Variants in SSBP3 observed in about 807,000 individuals in gnomAD.
SSBP3 encodes single stranded DNA binding protein 3.
SSBP3 carries 5 observed loss-of-function variants against 69.6 expected under a neutral mutation model. The observed-to-expected ratio is 0.07, with a 90% CI of 0.04 to 0.15. The LOEUF (loss-of-function observed/expected upper bound fraction) is 0.15. Ranked by LOEUF, SSBP3 falls within the 10% of genes least tolerant of loss-of-function variation. SSBP3 has a pLI of 1.00. For synonymous variants in SSBP3, 196 were observed against 193.4 expected (o/e 1.01, Z -0.11); for missense variants, 312 against 534.0 (o/e 0.58, Z 4.10).
chr1:54,262,347 T>C (rs1645030562), intron 5 of SSBP3, among the ~76,000 whole-genome samples: 4 of 152,094 alleles, frequency 2.6e-5, no homozygotes, highest in East Asian at 1.9e-4. Context: ...TTCTAGAGTC[T>C]AACAGGGTCC....
At chr1:54,248,916 T>C (rs946614151) in intron 9 of SSBP3, among the ~76,000 whole-genome samples, 40 of 152,200 alleles carry the variant, frequency 2.6e-4, no homozygotes, top group African/African-American at 9.4e-4. Context: ...GTTCCTGAGG[T>C]TGGCAAGGGT....
chr1:54,329,366 T>C (rs973086394), intron 4 of SSBP3, among the ~76,000 whole-genome samples: 5 of 152,378 alleles, frequency 3.3e-5, no homozygotes, highest in South Asian at 2.1e-4. Context: ...TTTAAAGGCA[T>C]GTTAGATCAG....
chr1:54,288,791 G>T (rs1325309109), intron 4 of SSBP3, among the ~76,000 whole-genome samples: 1 of 151,940 alleles, frequency 6.6e-6, no homozygotes, highest in Non-Finnish European at 1.5e-5. Flanking sequence ...GGCCAAGGTG[G>T]GCGGATCACA....
chr1:54,411,891 CAAA>C (rs71066917), intron 1 of SSBP3, among the ~76,000 whole-genome samples: 38 of 88,006 alleles, frequency 4.3e-4, no homozygotes, highest in East Asian at 3.2e-3. Flanking sequence ...GACTCCGTCT[CAAA>C]AAAAAAAAAA....
intron 13 of SSBP3, among the ~76,000 whole-genome samples, chr1:54,240,113 C>CGTGT (rs1234655823): frequency 2.7e-4 from 1 of 3,726 alleles, no homozygotes; most frequent in Non-Finnish European, 5.5e-4. Flanking sequence ...TGCGTGCGCG[C>CGTGT]GCGCGCGCAA....
rs557422843 is a variant in SSBP3, at chr1:54,319,067, G to A, written c.277-37540C>T. Among the ~76,000 whole-genome samples the A allele has an allele frequency of 9.2e-5, 14 of 152,222 alleles. No individual in the cohort carries two copies. In the South Asian group the frequency reaches 1.2e-3, roughly 14 times the overall value. Reference sequence around the variant, plus strand: ...CACCACACCAGCTGCAGCAGACCACGCTCAATGGAGTAGAAGGGCAAAGAA... The same window carrying A: ...CACCACACCAGCTGCAGCAGACCACACTCAATGGAGTAGAAGGGCAAAGAA... On this transcript the variant is annotated intron_variant, in intron 4 of 17. Transcript: ENST00000610401.
intron 4 of SSBP3, among the ~76,000 whole-genome samples, chr1:54,374,279 G>C (rs1442598874): frequency 6.6e-6 from 1 of 152,228 alleles, no homozygotes; most frequent in Non-Finnish European, 1.5e-5. Flanking sequence ...GTAGCCAGGA[G>C]GCCTGCAGCC....
chr1:54,294,169 A>T (rs1645661877), intron 4 of SSBP3, among the ~76,000 whole-genome samples: 1 of 76,394 alleles, frequency 1.3e-5, no homozygotes, highest in Non-Finnish European at 2.6e-5. Flanking sequence ...AAAAGAAAGA[A>T]AGAAAGAAAG....
At chr1:54,381,959 C>T (rs111678082) in intron 4 of SSBP3, among the ~76,000 whole-genome samples, 16,520 of 152,176 alleles carry the variant, frequency 0.11, 1,049 homozygotes, top group East Asian at 0.28. Context: ...TTTGGGAGGC[C>T]GAGGTGGGTG....
exon 1 of SSBP3, chr1:54,405,989 C>G (rs1173763044): frequency 6.7e-7 from 1 of 1,485,990 alleles, no homozygotes; most frequent in Non-Finnish European, 9.0e-7. Flanking sequence ...CACCGCCGAG[C>G]CTTTGCCTTT....
chr1:54,279,741 G>C (rs1557489773), intron 5 of SSBP3, among the ~76,000 whole-genome samples: 2 of 152,258 alleles, frequency 1.3e-5, no homozygotes. Context: ...ATCTGCAGCA[G>C]CCAGGAAGAT....
intron 4 of SSBP3, among the ~76,000 whole-genome samples, chr1:54,313,243 G>C (rs916834342): frequency 3.9e-5 from 6 of 151,980 alleles, no homozygotes; most frequent in African/African-American, 1.5e-4. Flanking sequence ...TGATATGTTT[G>C]TTCTCCAAAG....
Position 54,275,174 on chromosome 1 carries a change from G to A in SSBP3, c.366+6264C>T, listed in dbSNP as rs146859827. On this transcript the variant is annotated intron_variant, in intron 5 of 17. Transcript: ENST00000610401. ...ACAGGTCCCTGCCCTTACACACCAC[G>A]TCTGACCGAGGGGCTAAGGGACGAC... Among the ~76,000 whole-genome samples the A allele has an allele frequency of 3.2e-4, 49 of 152,272 alleles. 1 individual carries two copies. In the South Asian group the frequency reaches 4.1e-3, roughly 13 times the overall value.
At chr1:54,231,695 AT>A (rs761297242) in intron 14 of SSBP3, among the ~76,000 whole-genome samples, 7 of 152,022 alleles carry the variant, frequency 4.6e-5, no homozygotes, top group Non-Finnish European at 8.8e-5. Context: ...ATTTTTTATT[AT>A]TTTTTAATTT....
intron 4 of SSBP3, among the ~76,000 whole-genome samples, chr1:54,381,239 C>T (rs1225403349): frequency 1.3e-5 from 2 of 151,850 alleles, no homozygotes; most frequent in Non-Finnish European, 2.9e-5. Flanking sequence ...AAAAATTAGC[C>T]GGGCGTGGTG....
chr1:54,243,489 C>A (rs1644678533), intron 9 of SSBP3, among the ~76,000 whole-genome samples, 190 bp from the exon 10 acceptor site: 2 of 152,166 alleles, frequency 1.3e-5, no homozygotes, highest in Admixed American at 6.5e-5. Context: ...AATGACAAGC[C>A]AGCACAGAGG....
intron 13 of SSBP3, among the ~76,000 whole-genome samples, chr1:54,240,123 A>AGCGCGCG (rs1557449311): frequency 9.6e-5 from 1 of 10,462 alleles, no homozygotes; most frequent in Non-Finnish European, 7.6e-4. Flanking sequence ...CGCGCGCGCA[A>AGCGCGCG]CACATGCCCA....
intron 4 of SSBP3, 132 bp downstream of exon 4, chr1:54,401,729 G>C: frequency 1.5e-6 from 1 of 684,358 alleles, no homozygotes; most frequent in Non-Finnish European, 2.5e-6. Context: ...AGAGAGGTGG[G>C]CAGGGGAACA....
chr1:54,368,902 A>G (rs2100665776), intron 4 of SSBP3, among the ~76,000 whole-genome samples: 1 of 152,340 alleles, frequency 6.6e-6, no homozygotes, highest in East Asian at 1.9e-4. Flanking sequence ...CTGGGAGCTG[A>G]CTAAATCAGA....
Sources: allele counts gnomAD v4.1 joint callset (sites outside exome capture counted in the v4.1 genomes callset), GRCh38; gene constraint gnomAD v4.1.1; transcripts MANE v1.5; gene names NCBI Gene and HGNC (gene_info 2026-07-23, HGNC 2026-07-21).